Variants in PVRIG observed in about 807,000 individuals in gnomAD.
The protein encoded by PVRIG is PVR related immunoglobulin domain containing.
In PVRIG, 16 loss-of-function variants were observed where a neutral mutation model predicts 21.9. That is an observed-to-expected ratio of 0.73 (90% CI 0.50 to 1.11). PVRIG has a LOEUF of 1.11. Ranked by LOEUF, PVRIG falls within the 50% of genes most tolerant of loss-of-function variation. The probability of loss-of-function intolerance (pLI) is 0.00; values close to 1 mark genes in which losing one functional copy is unlikely to be tolerated. For synonymous variants in PVRIG, 190 were observed against 181.0 expected (o/e 1.05, Z -0.40); for missense variants, 435 against 445.7 (o/e 0.98, Z 0.22).
At chr7:100,220,494 C>G (rs1178777347) in intron 3 of PVRIG, 30 bp downstream of exon 2, 7 of 1,611,698 alleles carry the variant, frequency 4.3e-6, no homozygotes, top group Non-Finnish European at 5.9e-6. Flanking sequence ...TCCAGGAGGG[C>G]AGGGAGGGGC....
At chr7:100,221,228 G>A (rs141188906) in exon 6 of PVRIG, 3 of 1,599,518 alleles carry the variant, frequency 1.9e-6, no homozygotes, top group Admixed American at 3.4e-5. Context: ...CAGGGCCATG[G>A]AAGGACCCTT....
rs200190882 is a variant in PVRIG at position 100,220,812 on chromosome 7, C to G, written c.649C>G (p.Arg217Gly). 4 of 1,606,978 alleles carry G rather than the reference C, an allele frequency of 2.5e-6. No individual in the cohort carries two copies. In the South Asian group the frequency reaches 3.3e-5, roughly 13 times the overall value. The change falls in exon 5 of 6, where the codon CGA (arginine) becomes GGA (glycine). Residue 217 changes from arginine to glycine, a missense_variant. Physicochemically the swap from Arg to Gly is moderately radical, Grantham distance 125. Transcript: ENST00000317271. Reference sequence around the variant, plus strand: ...CACCAGCCCCCAGGCACCGAGAGCACGAGCATGGGTGAGGAGGGGACCTGC... The same window carrying G: ...CACCAGCCCCCAGGCACCGAGAGCAGGAGCATGGGTGAGGAGGGGACCTGC...
chr7:100,220,623 C>T (rs773795967), exon 4 of PVRIG: 20 of 1,611,686 alleles, frequency 1.2e-5, no homozygotes, highest in East Asian at 4.5e-5. Context: ...CAGGAGTCCT[C>T]CTCTTTGGCT....
chr7:100,220,256 G>A (rs777438830), exon 3 of PVRIG: 13 of 1,569,902 alleles, frequency 8.3e-6, no homozygotes, highest in South Asian at 4.7e-5. Flanking sequence ...GGGGGACCAC[G>A]CTGGCTGTGT....
chr7:100,220,432 C>G, exon 3 of PVRIG: 3 of 1,607,452 alleles, frequency 1.9e-6, no homozygotes, highest in Non-Finnish European at 2.5e-6. Flanking sequence ...TCCTGGGAGG[C>G]CTGTGGGAGC....
At chr7:100,220,147 A>T in exon 3 of PVRIG, 1 of 1,598,338 alleles carries the variant, frequency 6.3e-7, no homozygotes, top group Non-Finnish European at 8.5e-7. Context: ...GTTCGGATGG[A>T]GGCCACCGAG....
Position 100,220,477 on chromosome 7 carries a change from C to G in PVRIG, c.469+13C>G. ...AGCTCAGACCCAGGTGGGGCCGGGG[C>G]GAGGGGTCCAGGAGGGCAGGGAGGG... is the stretch of plus-strand genomic sequence containing the variant. On this transcript the variant is annotated intron_variant, in intron 3 of 5. Coordinates refer to ENST00000317271, the Ensembl canonical transcript of PVRIG. The G allele has an allele frequency of 6.2e-7, 1 of 1,612,026 alleles. No individual in the cohort carries two copies. Among genetic ancestry groups the G allele is most frequent in the South Asian group, 1.1e-5 (1 of 90,964 alleles).
exon 6 of PVRIG, chr7:100,221,062 T>A: frequency 1.2e-6 from 2 of 1,613,872 alleles, no homozygotes. Flanking sequence ...CCACCCACGC[T>A]GCACACCGGC....
exon 3 of PVRIG, chr7:100,220,141 G>A (rs192581870): frequency 1.2e-5 from 19 of 1,598,890 alleles, no homozygotes; most frequent in African/African-American, 5.3e-5. Context: ...GTTCAAGTTC[G>A]GATGGAGGCC....
intron 5 of PVRIG, 29 bp downstream of exon 4, chr7:100,220,849 GGTGACAGGGGCA>G (rs1803190204): frequency 1.9e-6 from 3 of 1,605,546 alleles, no homozygotes; most frequent in Admixed American, 1.7e-5. Flanking sequence ...TTGGGGATGA[GGTGACAGGGGCA>G]GGGGCAGGGG....
At chr7:100,221,175 A>C in exon 6 of PVRIG, 1 of 1,612,002 alleles carries the variant, frequency 6.2e-7, no homozygotes, top group East Asian at 2.2e-5. Flanking sequence ...AGGCCTCCTC[A>C]CACTGGTCCC....
Position 100,219,898 on chromosome 7 carries a change from A to G in PVRIG, c.-13A>G, listed in dbSNP as rs765096298. ...TGGCTGTTTGGCTGCTGACAACATG[A>G]AGACTTCCTGCGATGAGAACAGAGG... On this transcript the variant is annotated 5_prime_UTR_variant, in exon 2 of 6. Transcript: ENST00000317271. 8.4e-6 allele frequency: 13 copies of G among 1,546,192 alleles called. No individual in the cohort carries two copies. The South Asian group carries it at 1.5e-4, about 18-fold the overall frequency.
In PVRIG at chr7:100,220,681, C is replaced by T. The variant is rs1344280228; in HGVS notation, c.596+8C>T. ...GCGCCGACATAAGCACCGGTGAGACCTGGTCCCTGTCCACGTCCCCCTGAC... is the reference window on the plus strand; with the variant it reads ...GCGCCGACATAAGCACCGGTGAGACTTGGTCCCTGTCCACGTCCCCCTGAC... On this transcript the variant is annotated splice_region_variant and intron_variant, in intron 4 of 5. Transcript: ENST00000317271. The T allele has an allele frequency of 6.2e-7, 1 of 1,610,484 alleles. No individual in the cohort carries two copies. Among genetic ancestry groups the T allele is most frequent in the Non-Finnish European group, 8.5e-7 (1 of 1,179,930 alleles).
chr7:100,221,379 G>T, exon 6 of PVRIG: 1 of 652,510 alleles, frequency 1.5e-6, no homozygotes, highest in Non-Finnish European at 2.3e-6. Context: ...TGCGGATGTG[G>T]TCTCTGTGTG....
In PVRIG at chr7:100,221,114, C is replaced by G. The variant is rs538515532; in HGVS notation, c.844C>G (p.Arg282Gly). 6 of 1,613,958 alleles carry G rather than the reference C, an allele frequency of 3.7e-6. No individual in the cohort carries two copies. In the South Asian group the frequency reaches 4.4e-5, roughly 12 times the overall value. Residue 282 changes from arginine (R) to glycine (G), a missense_variant, in exon 6 of 6, where the codon CGT becomes GGT. Physicochemically the swap from Arg to Gly is moderately radical, Grantham distance 125. Coordinates refer to ENST00000317271, the Ensembl canonical transcript of PVRIG. ...CTGGGCCTCCACACCCATCCCTGCA[C>G]GTGGCAGCTTTGTCTCTGTTGAGAA...
exon 2 of PVRIG, chr7:100,219,738 C>T: frequency 1.5e-6 from 1 of 658,818 alleles, no homozygotes; most frequent in South Asian, 1.8e-5. Flanking sequence ...GGTTCTCACC[C>T]ACCTGTGCCG....
rs557674125 is a variant in PVRIG, at chr7:100,220,078, G to A, written c.119-36G>A. On this transcript the variant is annotated intron_variant, in intron 2 of 5. Coordinates refer to ENST00000317271, the Ensembl canonical transcript of PVRIG. ...CAGGGGCTGCAGGGAGGGTGATGTA[G>A]GACAACAGCCCACCGACCTTGCTGC... 4.4e-6 allele frequency: 7 copies of A among 1,603,436 alleles called. No homozygotes were observed. The East Asian group carries it at 1.3e-4, about 31-fold the overall frequency.
rs1348172070 is a variant in PVRIG at position 100,219,931 on chromosome 7, G to C, written c.21G>C (p.Val7=). ...CTGCGATGAGAACAGAGGCACAGGTGCCGGCCCTGCAGCCCCCAGAACCTG... is the reference window on the plus strand; with the variant it reads ...CTGCGATGAGAACAGAGGCACAGGTCCCGGCCCTGCAGCCCCCAGAACCTG... Residue 7 remains valine, a synonymous_variant, in exon 2 of 6, where the codon GTG becomes GTC. Coordinates refer to ENST00000317271, the Ensembl canonical transcript of PVRIG. The C allele has an allele frequency of 1.3e-6, 2 of 1,550,068 alleles. No individual in the cohort carries two copies. The highest frequency in any genetic ancestry group is 2.4e-5 in the South Asian group (2 of 84,000).
exon 2 of PVRIG, chr7:100,220,028 G>A (rs1279521904): frequency 1.9e-6 from 3 of 1,605,056 alleles, no homozygotes; most frequent in East Asian, 4.5e-5. Context: ...TGTCACTGCG[G>A]GTGAGTGCCG....
Sources: allele counts gnomAD v4.1 joint callset, GRCh38; gene constraint gnomAD v4.1.1; transcripts MANE v1.5; gene names NCBI Gene and HGNC (gene_info 2026-07-23, HGNC 2026-07-21).